Variants in NACC1 observed in about 807,000 individuals in gnomAD.
NACC1 encodes the protein nucleus accumbens associated 1.
Under a neutral mutation model 41.7 loss-of-function variants are expected in NACC1, and 6 were observed. The observed-to-expected ratio is 0.14, with a 90% CI of 0.08 to 0.28. The LOEUF is 0.28. Ranked by LOEUF, NACC1 falls within the 10% of genes least tolerant of loss-of-function variation. The probability of loss-of-function intolerance (pLI) is 1.00; values close to 1 mark genes in which losing one functional copy is unlikely to be tolerated. For synonymous variants in NACC1, 338 were observed against 330.6 expected, an observed-to-expected ratio of 1.02 and a Z score of -0.24; for missense variants, 434 against 763.7, an observed-to-expected ratio of 0.57 and a Z score of 5.09.
chr19:13,134,834 G>C (rs2019678608), intron 1 of NACC1, among the ~76,000 whole-genome samples: 1 of 152,160 alleles, frequency 6.6e-6, no homozygotes, highest in Non-Finnish European at 1.5e-5. Context: ...GCTTGCAATA[G>C]CTGGCACTCA....
intron 1 of NACC1, among the ~76,000 whole-genome samples, chr19:13,123,996 A>C (rs912621529): frequency 2.0e-5 from 3 of 152,202 alleles, no homozygotes; most frequent in Admixed American, 6.5e-5. Flanking sequence ...GTATGGGCCC[A>C]GTCAGTGAGG....
In NACC1 at chr19:13,138,547, C is replaced by A; in HGVS notation, c.*141C>A. 1 of 1,280,422 alleles carries A rather than the reference C, an allele frequency of 7.8e-7. No homozygotes were observed. The allele number at this position is 1,280,422 out of a possible 1,614,324, so 79.3% of individuals were successfully genotyped here. A position where few individuals can be genotyped will look rare whatever the true frequency, so the allele number is the denominator to read the frequency against. On this transcript the variant is annotated 3_prime_UTR_variant, in exon 6 of 6. Transcript: ENST00000292431. The surrounding 1 kb of genome is among the most constrained non-coding windows in gnomAD (Gnocchi z 5.7). ...GTTCCCGGCCCTCTGCCCCTCCTGT[C>A]CTACCCCCTTTCCCCACCGAGAGCT...
chr19:13,121,194 T>G (rs2019486932), intron 1 of NACC1, among the ~76,000 whole-genome samples: 1 of 151,444 alleles, frequency 6.6e-6, no homozygotes, highest in African/African-American at 2.4e-5. Flanking sequence ...AGCTAAGGGG[T>G]GGGTGGTGCT....
chr19:13,126,776 CAG>C (rs1040711500), intron 1 of NACC1, among the ~76,000 whole-genome samples: 10 of 152,222 alleles, frequency 6.6e-5, no homozygotes, highest in South Asian at 2.1e-4. Context: ...TGGAACAAAA[CAG>C]GGAGTTAGGT....
At chr19:13,125,361 G>C (rs959913782) in intron 1 of NACC1, among the ~76,000 whole-genome samples, 3 of 150,814 alleles carry the variant, frequency 2.0e-5, no homozygotes, top group African/African-American at 7.3e-5. Context: ...GGCACAGTTC[G>C]TATTCATGAG....
chr19:13,122,530 G>A lies in NACC1; in HGVS notation c.-9+4076G>A, dbSNP rs796943751. Among the ~76,000 whole-genome samples, 7 of 151,060 alleles carry A rather than the reference G, an allele frequency of 4.6e-5. No individual in the cohort carries two copies. The South Asian group carries it at 6.3e-4, about 14-fold the overall frequency. On this transcript the variant is annotated intron_variant, in intron 1 of 5. Transcript: ENST00000292431. ...ATTTTTGGTTGCCCCTGCCGGGGGG[G>A]GGGGGGTGTGCTGCTGGCATCTAGT...
upstream of NACC1, chr19:13,117,453 T>C (rs1396140281): frequency 6.6e-6 from 1 of 152,262 alleles, no homozygotes; most frequent in Non-Finnish European, 1.5e-5. Flanking sequence ...GGTCTTATTG[T>C]CGCTTTTGAG....
intron 1 of NACC1, among the ~76,000 whole-genome samples, chr19:13,124,480 G>A (rs1009133768): frequency 6.6e-6 from 1 of 152,070 alleles, no homozygotes; most frequent in Non-Finnish European, 1.5e-5. Context: ...GGCTTCAAGC[G>A]TCTTCCTGCC....
intron 1 of NACC1, among the ~76,000 whole-genome samples, chr19:13,123,880 C>T (rs979671528): frequency 6.6e-6 from 1 of 152,178 alleles, no homozygotes; most frequent in Admixed American, 6.5e-5. Flanking sequence ...TCTGGCTTCA[C>T]CTCTCTGGGC....
intron 1 of NACC1, among the ~76,000 whole-genome samples, chr19:13,134,509 T>C (rs1228778673): frequency 6.6e-6 from 1 of 152,192 alleles, no homozygotes; most frequent in Non-Finnish European, 1.5e-5. Context: ...TAGCTGGGAC[T>C]ACATACCCAC....
intron 1 of NACC1, among the ~76,000 whole-genome samples, chr19:13,127,152 C>T (rs1299551950): frequency 6.6e-6 from 1 of 150,760 alleles, no homozygotes; most frequent in Admixed American, 6.6e-5. Flanking sequence ...ATAGGAACTC[C>T]CAAGAAGGAT....
At chr19:13,127,246 G>A (rs935779936) in intron 1 of NACC1, among the ~76,000 whole-genome samples, 2 of 147,142 alleles carry the variant, frequency 1.4e-5, no homozygotes, top group Non-Finnish European at 3.0e-5. Context: ...GCCTATAATC[G>A]CAGGGTTTTG....
At chr19:13,131,399 C>A (rs2019632691) in intron 1 of NACC1, among the ~76,000 whole-genome samples, 1 of 152,200 alleles carries the variant, frequency 6.6e-6, no homozygotes, top group African/African-American at 2.4e-5. Context: ...TGGTCCTTGT[C>A]ATGTGGGCCC....
intron 1 of NACC1, among the ~76,000 whole-genome samples, chr19:13,119,953 G>T (rs112361464): frequency 0.01 from 1,531 of 152,296 alleles, 35 homozygotes; most frequent in African/African-American, 0.036. Flanking sequence ...GCAGACAGTG[G>T]CTGAACTGGG....
At chr19:13,128,205 G>A (rs540943995) in intron 1 of NACC1, among the ~76,000 whole-genome samples, 1 of 152,142 alleles carries the variant, frequency 6.6e-6, no homozygotes, top group Non-Finnish European at 1.5e-5. Flanking sequence ...GACTCCAGTG[G>A]GGGAGGCATC....
intron 1 of NACC1, among the ~76,000 whole-genome samples, chr19:13,124,100 A>G (rs1473887764): frequency 6.6e-6 from 1 of 152,206 alleles, no homozygotes; most frequent in Non-Finnish European, 1.5e-5. Flanking sequence ...CTGTGGGTGT[A>G]TAAGAAAAAA....
chr19:13,138,065 G>A lies in NACC1; in HGVS notation c.1325-82G>A. ...GTTTCCCCTTTGAGAGGGAGTCGCA[G>A]ATGCTGTAGGGGAGCTGGTGAGTAG... On this transcript the variant is annotated intron_variant, in intron 5 of 5. Transcript: ENST00000292431. The surrounding 1 kb of genome is among the most constrained non-coding windows in gnomAD (Gnocchi z 5.7). 6.4e-7 allele frequency: 1 copy of A among 1,561,078 alleles called. No individual in the cohort carries two copies. Among genetic ancestry groups the A allele is most frequent in the South Asian group, 1.2e-5 (1 of 83,354 alleles).
At chr19:13,131,600 G>C (rs1473550752) in intron 1 of NACC1, 1 of 152,236 alleles carries the variant, frequency 6.6e-6, no homozygotes, top group Non-Finnish European at 1.5e-5. Flanking sequence ...GGAGATTTTT[G>C]TTGCCTTGTA....
chr19:13,140,930 A>G lies in NACC1; in HGVS notation c.*2524A>G, dbSNP rs1475922448. On this transcript the variant is annotated 3_prime_UTR_variant, in exon 6 of 6. Coordinates refer to ENST00000292431, the MANE Select transcript of NACC1 (RefSeq NM_052876.4). The surrounding 1 kb of genome is among the most constrained non-coding windows in gnomAD (Gnocchi z 4.0). ...GCCAACTCCCCTTCCCTGGCCGCCC[A>G]CTCAACCCACACCTCTTTCACGCAG... 6.6e-6 allele frequency: 1 copy of G among 151,520 alleles called. No homozygotes were observed. The highest frequency in any genetic ancestry group is 2.1e-4 in the South Asian group (1 of 4,732). The allele number at this position is 151,520 out of a possible 1,614,324, so 9.4% of individuals were successfully genotyped here. A position where few individuals can be genotyped will look rare whatever the true frequency, so the allele number is the denominator to read the frequency against.
Sources: allele counts gnomAD v4.1 joint callset (sites outside exome capture counted in the v4.1 genomes callset), GRCh38; gene constraint gnomAD v4.1.1; non-coding constraint Gnocchi (gnomAD v3.1); transcripts MANE v1.5; gene names NCBI Gene and HGNC (gene_info 2026-07-23, HGNC 2026-07-21).